ARHGAP12: variants seen among roughly 807,000 people sequenced by gnomAD.
ARHGAP12 encodes the protein rho GTPase-activating protein 12.
In ARHGAP12, 64 loss-of-function variants were observed where a neutral mutation model predicts 108.6. That is an observed-to-expected ratio of 0.59 (90% CI 0.48 to 0.73). The LOEUF is 0.73. Among genes scored for constraint, ARHGAP12 ranks in the 30% least tolerant of loss-of-function variants. The probability of loss-of-function intolerance (pLI) is 0.00; values close to 1 mark genes in which losing one functional copy is unlikely to be tolerated. For missense variants in ARHGAP12, 940 were observed against 1,005.9 expected, an observed-to-expected ratio of 0.93 and a Z score of 0.89; for synonymous variants, 312 against 337.2, an observed-to-expected ratio of 0.93 and a Z score of 0.82.
At chr10:31,838,216 A>C (rs1314617498) in intron 9 of ARHGAP12, among the ~76,000 whole-genome samples, 1 of 152,158 alleles carries the variant, frequency 6.6e-6, no homozygotes, top group East Asian at 1.9e-4. Context: ...AATGACACAC[A>C]CAAGGACCCT....
intron 3 of ARHGAP12, among the ~76,000 whole-genome samples, chr10:31,871,344 A>AT (rs796365271): frequency 1.3e-5 from 2 of 151,866 alleles, no homozygotes; most frequent in East Asian, 1.9e-4. Context: ...TGCCTTACTG[A>AT]TTTTTTTTCA....
chr10:31,835,523 CTA>C (rs1835985451), intron 9 of ARHGAP12, among the ~76,000 whole-genome samples: 1 of 152,130 alleles, frequency 6.6e-6, no homozygotes, highest in African/African-American at 2.4e-5. Flanking sequence ...ACTTCAAATT[CTA>C]CTAGGTAATC....
Position 31,861,402 on chromosome 10 carries a change from T to A in ARHGAP12, c.941A>T (p.Asp314Val). 6.2e-7 allele frequency: 1 copy of A among 1,611,404 alleles called. No homozygotes were observed. The highest frequency in any genetic ancestry group is 1.1e-5 in the South Asian group (1 of 90,516). Residue 314 changes from aspartate (D) to valine (V), a missense_variant, in exon 4 of 20, where the codon GAT (aspartate) becomes GTT (valine). By Grantham distance (152) the Asp-to-Val change is radical (BLOSUM62 -3). Coordinates refer to ENST00000344936, the MANE Select transcript of ARHGAP12 (RefSeq NM_018287.7). ...ISKGDFQNPGDQELLSSEENY... is the reference protein window; with the variant it reads ...ISKGDFQNPGVQELLSSEENY... ...TTCCTTAATTACTCATACCTCTTGATCCCCTGGATTTTGGAAATCTCCTTT... is the reference window on the plus strand; with the variant it reads ...TTCCTTAATTACTCATACCTCTTGAACCCCTGGATTTTGGAAATCTCCTTT...
chr10:31,847,176 TATGAG>T (rs779451438), intron 6 of ARHGAP12, among the ~76,000 whole-genome samples: 4 of 152,318 alleles, frequency 2.6e-5, no homozygotes, highest in Admixed American at 6.5e-5. Context: ...CTTAAAATCC[TATGAG>T]ATAATTCATT....
chr10:31,911,014 A>G (rs1055306365), intron 1 of ARHGAP12, among the ~76,000 whole-genome samples: 5 of 152,076 alleles, frequency 3.3e-5, no homozygotes, highest in African/African-American at 1.2e-4. Context: ...TAATTATTTT[A>G]TTTATTTTTT....
chr10:31,836,637 CCTTCTTT>C (rs780320130), intron 9 of ARHGAP12, among the ~76,000 whole-genome samples: 17 of 152,142 alleles, frequency 1.1e-4, no homozygotes, highest in Admixed American at 2.0e-4. Context: ...TTTGCAGCTT[CCTTCTTT>C]CTTATCACTA....
intron 4 of ARHGAP12, among the ~76,000 whole-genome samples, chr10:31,861,063 C>A (rs1432920466): frequency 6.6e-6 from 1 of 152,158 alleles, no homozygotes; most frequent in East Asian, 1.9e-4. Context: ...TCTTAAAAAA[C>A]TGAATTAAAT....
intron 3 of ARHGAP12, among the ~76,000 whole-genome samples, chr10:31,866,652 G>T (rs894613888): frequency 6.6e-6 from 1 of 151,934 alleles, no homozygotes; most frequent in Non-Finnish European, 1.5e-5. Context: ...TTTCGCTCTT[G>T]TTGCCCAGGC....
intron 8 of ARHGAP12, 96 bp from the exon 9 acceptor site, chr10:31,839,415 T>C (rs1197595128): frequency 4.6e-6 from 6 of 1,314,426 alleles, no homozygotes; most frequent in Non-Finnish European, 6.3e-6. Context: ...CTTAAAAATA[T>C]GGTATATAAT....
At chr10:31,858,851 A>T (rs562871740) in intron 4 of ARHGAP12, among the ~76,000 whole-genome samples, 12 of 152,280 alleles carry the variant, frequency 7.9e-5, no homozygotes, top group African/African-American at 2.4e-4. Flanking sequence ...AAAAACCTGA[A>T]TTACCTACAC....
At chr10:31,860,165 G>C (rs1837061604) in intron 4 of ARHGAP12, among the ~76,000 whole-genome samples, 1 of 152,074 alleles carries the variant, frequency 6.6e-6, no homozygotes, top group Admixed American at 6.5e-5. Context: ...CCAAACTAAA[G>C]CTATAAATAA....
chr10:31,812,848 A>G, intron 14 of ARHGAP12, 25 bp from the exon 15 acceptor site: 1 of 1,366,758 alleles, frequency 7.3e-7, no homozygotes, highest in Non-Finnish European at 1.0e-6. Context: ...ACAGGTAATG[A>G]GCATTTGTAA....
chr10:31,858,969 G>T (rs952022777), intron 4 of ARHGAP12, among the ~76,000 whole-genome samples: 1 of 149,978 alleles, frequency 6.7e-6, no homozygotes, highest in Non-Finnish European at 1.5e-5. Context: ...GCAACTGACG[G>T]TATCAGGTAT....
Position 31,812,763 on chromosome 10 carries a change from T to G in ARHGAP12, c.1895A>C (p.Lys632Thr). The G allele has an allele frequency of 6.2e-7, 1 of 1,609,390 alleles. No homozygotes were observed. The highest frequency in any genetic ancestry group is 8.5e-7 in the Non-Finnish European group (1 of 1,178,792). ...CAAAGTGGGGCGTCGTGTAAGAAAC[T>G]TCTTTAAGTTTTTCTTGGTTTTTTT... ...EQKKTKKNLKKFLTRRPTLQA... is the reference protein window; with the variant it reads ...EQKKTKKNLKTFLTRRPTLQA... Residue 632 changes from lysine to threonine, a missense_variant, in exon 15 of 20, where the codon AAG becomes ACG. Transcript: ENST00000344936.
rs1834807790 is a variant in ARHGAP12 at position 31,805,853 on chromosome 10, A to G, written c.*1805T>C. On this transcript the variant is annotated 3_prime_UTR_variant, in exon 20 of 20. Coordinates refer to ENST00000344936, the MANE Select transcript of ARHGAP12 (RefSeq NM_018287.7). Reference sequence around the variant, plus strand: ...TTATTAAGGACATCTTTAGGCAAATATAAACATTCTGATTTAGGGCTTTTT... The same window carrying G: ...TTATTAAGGACATCTTTAGGCAAATGTAAACATTCTGATTTAGGGCTTTTT... 6.6e-6 allele frequency: 1 copy of G among 152,202 alleles called. No individual in the cohort carries two copies. The highest frequency in any genetic ancestry group is 1.5e-5 in the Non-Finnish European group (1 of 68,034). The allele number at this position is 152,202 out of a possible 1,614,324, so 9.4% of individuals were successfully genotyped here. A position where few individuals can be genotyped will look rare whatever the true frequency, so the allele number is the denominator to read the frequency against.
chr10:31,906,512 C>A (rs990200189), intron 3 of ARHGAP12, among the ~76,000 whole-genome samples: 3 of 152,244 alleles, frequency 2.0e-5, no homozygotes, highest in South Asian at 2.1e-4. Context: ...AAGCTGAAGT[C>A]GTTTCCATCC....
At chr10:31,924,824 T>G (rs770412661) in intron 1 of ARHGAP12, among the ~76,000 whole-genome samples, 2 of 152,054 alleles carry the variant, frequency 1.3e-5, no homozygotes, top group Non-Finnish European at 2.9e-5. Context: ...GCACCTTAAC[T>G]TGCCTGTAAA....
At chr10:31,855,027 G>C (rs1423232687) in intron 4 of ARHGAP12, among the ~76,000 whole-genome samples, 2 of 117,478 alleles carry the variant, frequency 1.7e-5, no homozygotes, top group African/African-American at 6.5e-5. Context: ...GGATGGGGAG[G>C]AGGAGGGGAG....
chr10:31,927,769 G>A (rs552704670), intron 1 of ARHGAP12, among the ~76,000 whole-genome samples: 2 of 152,214 alleles, frequency 1.3e-5, no homozygotes, highest in South Asian at 2.1e-4. Flanking sequence ...GAAAGCTGAA[G>A]GGCGTGCCTT....
Sources: gnomAD v4.1 joint callset for allele counts (sites outside exome capture counted in the v4.1 genomes callset) on GRCh38, gnomAD v4.1.1 for gene constraint, MANE v1.5 for transcripts, NCBI Gene and HGNC (gene_info 2026-07-23, HGNC 2026-07-21) for gene names.